PTPRG: variants seen among roughly 807,000 people sequenced by gnomAD.
PTPRG encodes protein tyrosine phosphatase receptor type G.
In PTPRG, 102 loss-of-function variants were observed where a neutral mutation model predicts 165.3. The observed-to-expected ratio is 0.62, with a 90% CI of 0.53 to 0.73. The LOEUF is 0.73. Among genes scored for constraint, PTPRG ranks in the 30% least tolerant of loss-of-function variants. The probability of loss-of-function intolerance (pLI) is 0.00; values close to 1 mark genes in which losing one functional copy is unlikely to be tolerated. For missense variants in PTPRG, 1,866 were observed against 1,861.4 expected (o/e 1.00, Z -0.05); for synonymous variants, 675 against 669.5 (o/e 1.01, Z -0.13).
chr3:62,054,016 A>T (rs1700551085), intron 4 of PTPRG, among the ~76,000 whole-genome samples: 1 of 152,236 alleles, frequency 6.6e-6, no homozygotes, highest in South Asian at 2.1e-4. Flanking sequence ...GATATGGAAC[A>T]TGCCCATCAC....
intron 1 of PTPRG, among the ~76,000 whole-genome samples, chr3:61,656,195 G>C (rs539866460): frequency 1.3e-5 from 2 of 152,270 alleles, no homozygotes; most frequent in African/African-American, 2.4e-5. Context: ...TTGTACCACT[G>C]TATTCCAGAC....
In PTPRG at chr3:61,986,147, T is replaced by C. The variant is rs948589436; in HGVS notation, c.191-3478T>C. Among the ~76,000 whole-genome samples, 52 of 152,312 alleles carry C rather than the reference T, an allele frequency of 3.4e-4. 1 individual carries two copies. Among genetic ancestry groups the C allele is most frequent in the African/African-American group, 1.2e-3 (48 of 41,566 alleles). On this transcript the variant is annotated intron_variant, in intron 2 of 29. Coordinates refer to ENST00000474889, the MANE Select transcript of PTPRG (RefSeq NM_002841.4). ...CATATTTAATATGATTGAATCATCATATTAAAGAGTGGAACTCTGCCACTC... is the reference window on the plus strand; with the variant it reads ...CATATTTAATATGATTGAATCATCACATTAAAGAGTGGAACTCTGCCACTC...
intron 1 of PTPRG, among the ~76,000 whole-genome samples, chr3:61,583,039 A>G (rs1290756997): frequency 1.3e-5 from 2 of 152,240 alleles, no homozygotes; most frequent in East Asian, 3.8e-4. Flanking sequence ...AGAGGCAATA[A>G]TGAGCATACG....
intron 4 of PTPRG, among the ~76,000 whole-genome samples, chr3:62,070,951 A>G (rs1701189991): frequency 6.6e-6 from 1 of 151,834 alleles, no homozygotes; most frequent in South Asian, 2.1e-4. Flanking sequence ...AAAAAAAGAA[A>G]AAAAAAGAAA....
At chr3:61,990,911 T>TTG (rs1490380332) in intron 3 of PTPRG, among the ~76,000 whole-genome samples, 1 of 151,842 alleles carries the variant, frequency 6.6e-6, no homozygotes, top group Non-Finnish European at 1.5e-5. Context: ...TTTTTTTTTT[T>TTG]TTTTTAAATA....
chr3:61,922,051 A>T (rs1379395108), intron 2 of PTPRG, among the ~76,000 whole-genome samples: 2 of 152,188 alleles, frequency 1.3e-5, no homozygotes, highest in African/African-American at 4.8e-5. Context: ...TTACTCAGTT[A>T]GTCAACATTT....
chr3:61,562,934 G>C (rs1699800389), intron 1 of PTPRG, among the ~76,000 whole-genome samples: 1 of 152,128 alleles, frequency 6.6e-6, no homozygotes, highest in Non-Finnish European at 1.5e-5. Flanking sequence ...TGCGTTCTGG[G>C]TCGGGGGCGT....
At chr3:62,132,747 C>T in intron 6 of PTPRG, 79 bp downstream of exon 6, 2 of 1,254,050 alleles carry the variant, frequency 1.6e-6, no homozygotes, top group East Asian at 2.3e-5. Context: ...GGTTATCTTG[C>T]AGAGGACAGA....
At chr3:61,867,652 A>G (rs2037447823) in intron 2 of PTPRG, among the ~76,000 whole-genome samples, 1 of 151,930 alleles carries the variant, frequency 6.6e-6, no homozygotes. Flanking sequence ...TCTCTTGACA[A>G]TCTAAGCTCT....
chr3:61,574,416 C>T (rs1700130865), intron 1 of PTPRG, among the ~76,000 whole-genome samples: 1 of 152,216 alleles, frequency 6.6e-6, no homozygotes, highest in Admixed American at 6.5e-5. Context: ...TTCTAGAACA[C>T]ATTGCTAGTC....
chr3:61,883,368 C>T (rs2037940829), intron 2 of PTPRG, among the ~76,000 whole-genome samples: 1 of 152,136 alleles, frequency 6.6e-6, no homozygotes. Context: ...CTGTGGTTCT[C>T]CACCTGGGGT....
chr3:62,137,918 G>T (rs564754042), intron 6 of PTPRG, among the ~76,000 whole-genome samples: 4 of 152,098 alleles, frequency 2.6e-5, no homozygotes, highest in Non-Finnish European at 4.4e-5. Context: ...TTCAAATGTC[G>T]AACTACTGTA....
At chr3:61,928,431 C>A (rs1390857748) in intron 2 of PTPRG, among the ~76,000 whole-genome samples, 1 of 151,960 alleles carries the variant, frequency 6.6e-6, no homozygotes, top group African/African-American at 2.4e-5. Flanking sequence ...TTTTTTAATC[C>A]CCTACTTTCT....
chr3:62,016,827 C>G (rs1223510214), intron 4 of PTPRG, among the ~76,000 whole-genome samples: 1 of 152,170 alleles, frequency 6.6e-6, no homozygotes, highest in Non-Finnish European at 1.5e-5. Context: ...TTCTCTCCAC[C>G]CTCTTTTCAC....
intron 2 of PTPRG, among the ~76,000 whole-genome samples, chr3:61,953,312 G>T (rs1381867542): frequency 6.6e-6 from 1 of 152,076 alleles, no homozygotes; most frequent in Non-Finnish European, 1.5e-5. Context: ...GCTTGAAAGG[G>T]GCAAAAATAG....
intron 5 of PTPRG, among the ~76,000 whole-genome samples, chr3:62,082,180 T>G (rs774388659): frequency 2.0e-5 from 3 of 152,252 alleles, no homozygotes; most frequent in African/African-American, 4.8e-5. Flanking sequence ...ATTTACTTCA[T>G]GTACTAGAAT....
intron 4 of PTPRG, among the ~76,000 whole-genome samples, chr3:62,066,156 G>C (rs1006034308): frequency 6.6e-6 from 1 of 152,190 alleles, no homozygotes; most frequent in Admixed American, 6.5e-5. Flanking sequence ...ATTTTGCTTA[G>C]CTTAATTGCA....
chr3:61,647,723 C>T (rs764711101), intron 1 of PTPRG, among the ~76,000 whole-genome samples: 20 of 132,116 alleles, frequency 1.5e-4, no homozygotes, highest in East Asian at 2.5e-4. Flanking sequence ...ACCTGGGAGG[C>T]GGAGCTTGCA....
At chr3:61,615,135 G>A (rs1270326689) in intron 1 of PTPRG, among the ~76,000 whole-genome samples, 1 of 152,230 alleles carries the variant, frequency 6.6e-6, no homozygotes, top group Non-Finnish European at 1.5e-5. Flanking sequence ...AACAAGAACA[G>A]TCGTGTATCA....
Sources: allele counts gnomAD v4.1 joint callset (sites outside exome capture counted in the v4.1 genomes callset), GRCh38; gene constraint gnomAD v4.1.1; transcripts MANE v1.5; gene names NCBI Gene and HGNC (gene_info 2026-07-23, HGNC 2026-07-21).